Variants in PDE4D observed in about 807,000 individuals in gnomAD.
The protein encoded by PDE4D is 3',5'-cyclic-AMP phosphodiesterase 4D.
PDE4D carries 24 observed loss-of-function variants against 87.4 expected under a neutral mutation model. The ratio of observed to expected loss-of-function variants is 0.27; its 90% confidence interval spans 0.20 to 0.39. The LOEUF (loss-of-function observed/expected upper bound fraction) is 0.39. Ranked by LOEUF, PDE4D falls within the 10% of genes least tolerant of loss-of-function variation. PDE4D has a pLI of 1.00. For synonymous variants in PDE4D, 384 were observed against 383.2 expected, an observed-to-expected ratio of 1.00 and a Z score of -0.02; for missense variants, 714 against 1,041.0, an observed-to-expected ratio of 0.69 and a Z score of 4.32.
chr5:59,763,931 C>A (rs1043690357), intron 1 of PDE4D, among the ~76,000 whole-genome samples: 1 of 152,020 alleles, frequency 6.6e-6, no homozygotes, highest in African/African-American at 2.4e-5. Flanking sequence ...AGACAAGAGG[C>A]GCAATAGAAA....
chr5:60,061,466 T>A (rs1253819505), intron 2 of PDE4D, among the ~76,000 whole-genome samples: 1 of 152,158 alleles, frequency 6.6e-6, no homozygotes, highest in Non-Finnish European at 1.5e-5. Context: ...CCCATGCTCA[T>A]GGATAGGAAG....
chr5:59,556,865 G>A (rs1819023427), intron 1 of PDE4D, among the ~76,000 whole-genome samples: 2 of 152,122 alleles, frequency 1.3e-5, no homozygotes, highest in Non-Finnish European at 2.9e-5. Flanking sequence ...ATGGAAGGAT[G>A]GAAGGGAGGA....
chr5:59,455,026 G>A (rs190319826), intron 1 of PDE4D, among the ~76,000 whole-genome samples: 1 of 152,302 alleles, frequency 6.6e-6, no homozygotes, highest in East Asian at 1.9e-4. Context: ...AGTTTTATAA[G>A]GGAAGCAGAG....
At chr5:60,420,728 G>A (rs754058899) in intron 1 of PDE4D, among the ~76,000 whole-genome samples, 1 of 152,242 alleles carries the variant, frequency 6.6e-6, no homozygotes, top group Admixed American at 6.5e-5. Flanking sequence ...TGGAGCGGGA[G>A]CCAGCGCAGG....
chr5:59,792,054 C>A (rs926082369), intron 1 of PDE4D, among the ~76,000 whole-genome samples: 2 of 152,174 alleles, frequency 1.3e-5, no homozygotes, highest in African/African-American at 2.4e-5. Context: ...GGACCTTAAA[C>A]AAGCAAATGG....
intron 1 of PDE4D, among the ~76,000 whole-genome samples, chr5:60,376,352 C>T (rs1761436762): frequency 6.6e-6 from 1 of 151,994 alleles, no homozygotes; most frequent in South Asian, 2.1e-4. Context: ...TCAGAGCTTC[C>T]CAGCTATTGA....
chr5:60,337,388 T>TATATATATACACACAC (rs66871903), intron 1 of PDE4D, among the ~76,000 whole-genome samples: 53 of 89,414 alleles, frequency 5.9e-4, no homozygotes, highest in Non-Finnish European at 9.8e-4. Flanking sequence ...TATATATATA[T>TATATATATACACACAC]ACACACACAC....
chr5:60,326,583 T>C (rs1756815826), intron 1 of PDE4D, among the ~76,000 whole-genome samples: 1 of 152,094 alleles, frequency 6.6e-6, no homozygotes, highest in Non-Finnish European at 1.5e-5. Context: ...CAATTTCACC[T>C]GAAACATTCC....
At chr5:59,869,633 GGTTC>G (rs1464257186) in intron 1 of PDE4D, among the ~76,000 whole-genome samples, 1 of 152,098 alleles carries the variant, frequency 6.6e-6, no homozygotes. Flanking sequence ...CTAGCATAAT[GGTTC>G]GTTTTCTCGT....
chr5:60,374,318 T>C (rs1209695396), intron 1 of PDE4D, among the ~76,000 whole-genome samples: 1 of 152,260 alleles, frequency 6.6e-6, no homozygotes, highest in East Asian at 1.9e-4. Flanking sequence ...ACATTTTGAA[T>C]TGTTAGAAAG....
At chr5:59,417,000 T>C (rs1793720766) in intron 1 of PDE4D, among the ~76,000 whole-genome samples, 1 of 152,192 alleles carries the variant, frequency 6.6e-6, no homozygotes, top group African/African-American at 2.4e-5. Flanking sequence ...ATGAAGTATT[T>C]CACCCAAGAG....
chr5:59,696,348 T>C (rs2150428329), intron 1 of PDE4D, among the ~76,000 whole-genome samples: 1 of 152,322 alleles, frequency 6.6e-6, no homozygotes, highest in South Asian at 2.1e-4. Context: ...CTACTATAAT[T>C]GGGCACTTAT....
intron 1 of PDE4D, among the ~76,000 whole-genome samples, chr5:59,715,736 CG>C (rs2150530511): frequency 6.6e-6 from 1 of 152,304 alleles, no homozygotes; most frequent in East Asian, 1.9e-4. Flanking sequence ...AGGATGGAAA[CG>C]GATGGTAACC....
chr5:59,688,850 A>G (rs1405162977), intron 1 of PDE4D, among the ~76,000 whole-genome samples: 2 of 152,220 alleles, frequency 1.3e-5, no homozygotes, highest in East Asian at 1.9e-4. Flanking sequence ...GAAAGGGAGA[A>G]GAATCAAATA....
intron 1 of PDE4D, among the ~76,000 whole-genome samples, chr5:59,827,381 G>A (rs1770450942): frequency 6.6e-6 from 1 of 152,098 alleles, no homozygotes; most frequent in African/African-American, 2.4e-5. Context: ...GCCTGCAAGT[G>A]TTAAACATTG....
intron 1 of PDE4D, among the ~76,000 whole-genome samples, chr5:59,760,581 T>G (rs1761847811): frequency 6.6e-6 from 1 of 152,180 alleles, no homozygotes; most frequent in Admixed American, 6.6e-5. Context: ...TGTTTTCATC[T>G]AGTCCTTAAT....
At chr5:59,400,344 C>T (rs937540252) in intron 1 of PDE4D, among the ~76,000 whole-genome samples, 1 of 122,140 alleles carries the variant, frequency 8.2e-6, no homozygotes, top group East Asian at 2.4e-4. Context: ...AAATGTCCAA[C>T]AACGATAGAC....
chr5:60,255,281 T>G (rs1181969041), intron 1 of PDE4D, among the ~76,000 whole-genome samples: 1 of 151,896 alleles, frequency 6.6e-6, no homozygotes, highest in Non-Finnish European at 1.5e-5. Flanking sequence ...GATCCCTTTG[T>G]TCTTGGGCTA....
At chr5:59,289,263 G>A (rs1460218358) in intron 1 of PDE4D, among the ~76,000 whole-genome samples, 2 of 152,042 alleles carry the variant, frequency 1.3e-5, no homozygotes, top group African/African-American at 2.4e-5. Flanking sequence ...TATGCAATCA[G>A]TGTTAAGTTG....
Sources: gnomAD v4.1 joint callset for allele counts (sites outside exome capture counted in the v4.1 genomes callset) on GRCh38, gnomAD v4.1.1 for gene constraint, MANE v1.5 for transcripts, NCBI Gene and HGNC (gene_info 2026-07-23, HGNC 2026-07-21) for gene names.